ATP8A2: variants seen among roughly 807,000 people sequenced by gnomAD.
ATP8A2 encodes phospholipid-transporting ATPase IB.
A neutral mutation model predicts 165.6 loss-of-function variants in ATP8A2; 100 were observed. That is an observed-to-expected ratio of 0.60 (90% CI 0.51 to 0.71). The LOEUF is 0.71. Ranked by LOEUF, ATP8A2 falls within the 30% of genes least tolerant of loss-of-function variation. The pLI is 0.00. For synonymous variants in ATP8A2, 543 were observed against 548.8 expected (o/e 0.99, Z 0.15); for missense variants, 1,227 against 1,479.5 (o/e 0.83, Z 2.80).
At chr13:25,885,133 G>GTTTT (rs1953105194) in intron 33 of ATP8A2, among the ~76,000 whole-genome samples, 1 of 132,040 alleles carries the variant, frequency 7.6e-6, no homozygotes, top group African/African-American at 2.9e-5. Flanking sequence ...TTTTTTTGAG[G>GTTTT]TGGAGTCTTG....
intron 27 of ATP8A2, among the ~76,000 whole-genome samples, chr13:25,778,243 T>A (rs1173482674): frequency 6.6e-6 from 1 of 152,218 alleles, no homozygotes; most frequent in African/African-American, 2.4e-5. Context: ...TTGATCTAAT[T>A]AGACCATTTT....
At chr13:25,959,961 G>A (rs1436355521) in intron 33 of ATP8A2, among the ~76,000 whole-genome samples, 1 of 152,218 alleles carries the variant, frequency 6.6e-6, no homozygotes, top group African/African-American at 2.4e-5. Flanking sequence ...GGTACTCTTG[G>A]TTGTTTGAAA....
chr13:25,521,377 T>C (rs1326485834), intron 2 of ATP8A2, among the ~76,000 whole-genome samples: 1 of 152,178 alleles, frequency 6.6e-6, no homozygotes, highest in Non-Finnish European at 1.5e-5. Flanking sequence ...GTTTTTAGCT[T>C]GATGTAACCT....
chr13:25,756,237 A>G (rs1436987041), intron 25 of ATP8A2, among the ~76,000 whole-genome samples: 1 of 151,764 alleles, frequency 6.6e-6, no homozygotes, highest in Non-Finnish European at 1.5e-5. Context: ...TTCAGTTTTC[A>G]TGGTTATCTT....
At chr13:25,844,040 T>C (rs1358324970) in intron 30 of ATP8A2, among the ~76,000 whole-genome samples, 1 of 152,010 alleles carries the variant, frequency 6.6e-6, no homozygotes, top group Non-Finnish European at 1.5e-5. Context: ...GACCATGCGG[T>C]TGCACAGGAC....
At chr13:25,572,399 A>G (rs2039493601) in intron 18 of ATP8A2, among the ~76,000 whole-genome samples, 1 of 152,176 alleles carries the variant, frequency 6.6e-6, no homozygotes, top group Admixed American at 6.5e-5. Context: ...TTGGCCTCCC[A>G]AAGTGCTGGG....
chr13:25,552,621 G>A lies in ATP8A2; in HGVS notation c.1057+1118G>A, dbSNP rs373285080. Among the ~76,000 whole-genome samples, 5 of 151,976 alleles carry A rather than the reference G, an allele frequency of 3.3e-5. No homozygotes were observed. The East Asian group carries it at 9.7e-4, about 29-fold the overall frequency. On this transcript the variant is annotated intron_variant, in intron 11 of 36. Transcript: ENST00000381655. ...CTGGAGAACTTCTTTAGTATTTCTT[G>A]TATTTGTAATTGTCAGGTAGATATT...
chr13:25,518,811 G>A (rs943547883), intron 2 of ATP8A2, among the ~76,000 whole-genome samples: 1 of 152,176 alleles, frequency 6.6e-6, no homozygotes, highest in East Asian at 1.9e-4. Context: ...GTTTCTGTAT[G>A]TGCCTAATTA....
chr13:25,662,748 A>G (rs2042076760), intron 24 of ATP8A2, among the ~76,000 whole-genome samples: 1 of 152,214 alleles, frequency 6.6e-6, no homozygotes, highest in South Asian at 2.1e-4. Context: ...AAACACTATT[A>G]GCCGGTGGAT....
rs1456691650 is a variant in ATP8A2 at position 25,531,191 on chromosome 13, T to TG, written c.420+531_420+532insG. Among the ~76,000 whole-genome samples, 349 of 144,180 alleles carry TG rather than the reference T, an allele frequency of 2.4e-3. 4 individuals are homozygous for TG. The highest frequency in any genetic ancestry group is 8.4e-3 in the African/African-American group (327 of 39,158). 94.6% of individuals were successfully genotyped at this position (144,180 alleles called of 152,430 possible). A position where few individuals can be genotyped will look rare whatever the true frequency, so the allele number is the denominator to read the frequency against. On this transcript the variant is annotated intron_variant, in intron 4 of 36. Transcript: ENST00000381655. ...TGTTATATGATATATATATGTTATA[T>TG]ATGTTATATATGATATATGTTATAT...
At chr13:25,501,040 G>A (rs1391091706) in intron 2 of ATP8A2, among the ~76,000 whole-genome samples, 1 of 151,830 alleles carries the variant, frequency 6.6e-6, no homozygotes, top group East Asian at 1.9e-4. Flanking sequence ...GTATTTCTTT[G>A]ACATACTTGA....
chr13:25,450,668 A>G (rs2035197320), intron 1 of ATP8A2, among the ~76,000 whole-genome samples: 1 of 152,056 alleles, frequency 6.6e-6, no homozygotes, highest in South Asian at 2.1e-4. Context: ...AGTAGCTGGG[A>G]CTACAGGCGC....
chr13:25,907,224 T>C (rs1198468051), intron 33 of ATP8A2, among the ~76,000 whole-genome samples: 3 of 152,098 alleles, frequency 2.0e-5, no homozygotes, highest in African/African-American at 7.2e-5. Context: ...CACTCCAGCC[T>C]GGGCGACAGA....
At chr13:25,422,520 A>G (rs1235349146) in intron 1 of ATP8A2, among the ~76,000 whole-genome samples, 1 of 152,198 alleles carries the variant, frequency 6.6e-6, no homozygotes. Flanking sequence ...AGCCTTTTTA[A>G]AAAATTACCA....
chr13:25,611,426 T>C (rs1190076671), intron 24 of ATP8A2, among the ~76,000 whole-genome samples: 1 of 152,202 alleles, frequency 6.6e-6, no homozygotes, highest in Non-Finnish European at 1.5e-5. Flanking sequence ...TTTTTAATTC[T>C]GTTTATGTGG....
intron 27 of ATP8A2, among the ~76,000 whole-genome samples, chr13:25,819,585 T>G (rs1951115843): frequency 6.6e-6 from 1 of 152,156 alleles, no homozygotes; most frequent in African/African-American, 2.4e-5. Flanking sequence ...ATTTAACATT[T>G]TAAAAGATAG....
chr13:25,924,225 C>A (rs1333866064), intron 33 of ATP8A2, among the ~76,000 whole-genome samples: 1 of 152,192 alleles, frequency 6.6e-6, no homozygotes, highest in Admixed American at 6.5e-5. Flanking sequence ...TATCTGGATT[C>A]ATTTCCTAGG....
chr13:26,019,429 G>A (rs762517430), intron 36 of ATP8A2, among the ~76,000 whole-genome samples: 2 of 152,156 alleles, frequency 1.3e-5, no homozygotes, highest in Admixed American at 6.6e-5. Context: ...CAGGTATCAC[G>A]TGCATTTTGC....
chr13:25,840,607 C>CA (rs1446605269), intron 30 of ATP8A2, among the ~76,000 whole-genome samples: 1 of 152,122 alleles, frequency 6.6e-6, no homozygotes, highest in African/African-American at 2.4e-5. Context: ...AGCCCCACCC[C>CA]AAAAAAGAGC....
Sources: allele counts gnomAD v4.1 joint callset (sites outside exome capture counted in the v4.1 genomes callset), GRCh38; gene constraint gnomAD v4.1.1; transcripts MANE v1.5; gene names NCBI Gene and HGNC (gene_info 2026-07-23, HGNC 2026-07-21).